Variants in FAM167A observed in about 807,000 individuals in gnomAD.
FAM167A encodes family with sequence similarity 167 member A.
In FAM167A, 23 loss-of-function variants were observed where a neutral mutation model predicts 14.9. The observed-to-expected ratio is 1.55, with a 90% confidence interval of 1.11 to 2.19. The LOEUF (loss-of-function observed/expected upper bound fraction) is 2.19. FAM167A is among the 30% of genes most tolerant of loss of function. FAM167A has a pLI of 0.00. For synonymous variants in FAM167A, 174 were observed against 117.7 expected (o/e 1.48, Z -3.10); for missense variants, 401 against 281.5 (o/e 1.42, Z -3.04).
chr8:11,449,060 T>G (rs1806912835), intron 1 of FAM167A, among the ~76,000 whole-genome samples: 1 of 152,216 alleles, frequency 6.6e-6, no homozygotes, highest in South Asian at 2.1e-4. Context: ...GGAACGGGAT[T>G]GCCCCCAGCA....
At chr8:11,429,401 G>T (rs1235907451) in intron 2 of FAM167A, among the ~76,000 whole-genome samples, 1 of 152,230 alleles carries the variant, frequency 6.6e-6, no homozygotes, top group Non-Finnish European at 1.5e-5. Context: ...CAGTTCAGGA[G>T]AGCAGGTCTG....
chr8:11,471,252 T>C (rs941879082), upstream of FAM167A, among the ~76,000 whole-genome samples: 3 of 151,854 alleles, frequency 2.0e-5, no homozygotes, highest in African/African-American at 7.3e-5. Context: ...GAGCAGGAGG[T>C]TGCTCAGCGG....
At chr8:11,431,500 A>T (rs1055118127) in intron 2 of FAM167A, among the ~76,000 whole-genome samples, 1 of 152,226 alleles carries the variant, frequency 6.6e-6, no homozygotes, top group African/African-American at 2.4e-5. Context: ...TATTTAGTGA[A>T]CTGTACATAT....
rs75950966 is a variant in FAM167A at position 11,436,320 on chromosome 8, C to T, written c.381+7711G>A. Among the ~76,000 whole-genome samples the T allele has an allele frequency of 6.0e-3, 919 of 152,334 alleles. 11 individuals are homozygous for T. Among genetic ancestry groups the T allele is most frequent in the African/African-American group, 0.019 (781 of 41,580 alleles). On this transcript the variant is annotated intron_variant, in intron 2 of 2. Transcript: ENST00000284486. The stretch of plus-strand genomic sequence containing the variant: ...GCCAAGGCCTTCCTCAACTTCCCTG[C>T]CACTCCCCTGGAGAGCAAGTGGGGG...
chr8:11,438,077 C>G (rs1189552271), intron 2 of FAM167A: 2 of 453,410 alleles, frequency 4.4e-6, no homozygotes, highest in Non-Finnish European at 8.9e-6. Flanking sequence ...ACCCATCCAC[C>G]TTGGCCTCAC....
intron 2 of FAM167A, among the ~76,000 whole-genome samples, chr8:11,440,269 GGCCGTCTTAGCTGGGAGTC>G (rs1267620752): frequency 6.6e-6 from 1 of 152,228 alleles, no homozygotes; most frequent in Admixed American, 6.5e-5. Flanking sequence ...CCCAAGGTCA[GGCCGTCTTAGCTGGGAGTC>G]GCACTAAGAG....
chr8:11,434,700 C>A (rs906696843), intron 2 of FAM167A: 2 of 238,884 alleles, frequency 8.4e-6, no homozygotes, highest in African/African-American at 4.5e-5. Flanking sequence ...TCCGAAGAGC[C>A]CCTAGATCTG....
At chr8:11,460,239 C>G (rs780043824) in intron 1 of FAM167A, among the ~76,000 whole-genome samples, 2 of 152,264 alleles carry the variant, frequency 1.3e-5, no homozygotes, top group Non-Finnish European at 2.9e-5. Flanking sequence ...TCGGTGCCTC[C>G]TGCCTGGGGT....
chr8:11,441,583 T>A (rs1233826317), intron 2 of FAM167A, among the ~76,000 whole-genome samples: 2 of 152,186 alleles, frequency 1.3e-5, no homozygotes, highest in Non-Finnish European at 2.9e-5. Flanking sequence ...CCCTCTGCGT[T>A]GGGCCACCTC....
At chr8:11,426,582 C>T (rs535629107) in intron 2 of FAM167A, among the ~76,000 whole-genome samples, 3 of 152,128 alleles carry the variant, frequency 2.0e-5, no homozygotes, top group Admixed American at 2.0e-4. Flanking sequence ...GTTAAGGATG[C>T]ACACCTGGGA....
At chr8:11,458,846 C>T (rs1807431046) in intron 1 of FAM167A, among the ~76,000 whole-genome samples, 1 of 152,118 alleles carries the variant, frequency 6.6e-6, no homozygotes, top group Non-Finnish European at 1.5e-5. Context: ...AGCCCTTAGG[C>T]CCAGCAGAAC....
chr8:11,436,482 G>A lies in FAM167A; in HGVS notation c.381+7549C>T, dbSNP rs1806023311. 2.6e-5 allele frequency among the ~76,000 whole-genome samples: 4 copies of A among 152,316 alleles called. No individual in the cohort carries two copies. The South Asian group carries it at 8.3e-4, about 32-fold the overall frequency. On this transcript the variant is annotated intron_variant, in intron 2 of 2. Transcript: ENST00000284486. ...TGGCTCCCTCACCTCTGTGAGCTCGGCCATGCTGCTGGGGGTCTCTGGGCC... is the reference window on the plus strand; with the variant it reads ...TGGCTCCCTCACCTCTGTGAGCTCGACCATGCTGCTGGGGGTCTCTGGGCC...
chr8:11,443,998 C>G (rs1256909193), intron 2 of FAM167A, 33 bp downstream of exon 2: 18 of 1,584,624 alleles, frequency 1.1e-5, no homozygotes, highest in Non-Finnish European at 1.5e-5. Context: ...GGCATCTCCT[C>G]TTTTCTGGGG....
At chr8:11,473,920 T>A (rs979564275) in intron 1 of FAM167A, among the ~76,000 whole-genome samples, 1 of 152,162 alleles carries the variant, frequency 6.6e-6, no homozygotes, top group Non-Finnish European at 1.5e-5. Context: ...TCACCCAGGC[T>A]GGAGTGCAGT....
intron 2 of FAM167A, among the ~76,000 whole-genome samples, chr8:11,427,869 T>A (rs1361229535): frequency 6.6e-6 from 1 of 152,228 alleles, no homozygotes; most frequent in Non-Finnish European, 1.5e-5. Flanking sequence ...AATTAAATTC[T>A]ATTGACCTAG....
intron 1 of FAM167A, 161 bp from the exon 2 acceptor site, chr8:11,444,969 A>G: frequency 1.4e-6 from 1 of 689,994 alleles, no homozygotes; most frequent in Non-Finnish European, 1.8e-6. Flanking sequence ...TTAATGCCTT[A>G]ATTCAATGCA....
chr8:11,458,810 AAG>A (rs1807430115), intron 1 of FAM167A, among the ~76,000 whole-genome samples: 2 of 152,018 alleles, frequency 1.3e-5, no homozygotes, highest in Non-Finnish European at 1.5e-5. Flanking sequence ...AAGAGAGAGA[AAG>A]AGAGAGCATC....
intron 2 of FAM167A, among the ~76,000 whole-genome samples, chr8:11,425,629 C>G (rs1420137636): frequency 6.6e-6 from 1 of 151,976 alleles, no homozygotes; most frequent in Non-Finnish European, 1.5e-5. Context: ...ACTGAATTCC[C>G]AGCCGTGATG....
chr8:11,469,506 G>A (rs35667120), upstream of FAM167A, among the ~76,000 whole-genome samples: 36,217 of 152,070 alleles, frequency 0.24, 5,081 homozygotes, highest in Middle Eastern at 0.39. Context: ...TTTTCTTTCC[G>A]TTGGTGCATG....
Sources: gnomAD v4.1 joint callset for allele counts (sites outside exome capture counted in the v4.1 genomes callset) on GRCh38, gnomAD v4.1.1 for gene constraint, MANE v1.5 for transcripts, NCBI Gene and HGNC (gene_info 2026-07-23, HGNC 2026-07-21) for gene names.